The following DOCK3 variants were observed in gnomAD, a reference collection of about 807,000 sequenced individuals.
DOCK3 encodes the protein dedicator of cytokinesis 3, also known as dedicator of cytokinesis protein 3.
In DOCK3, 60 loss-of-function variants were observed where a neutral mutation model predicts 265.6. That is an observed-to-expected ratio of 0.23 (90% CI 0.18 to 0.28). The LOEUF (loss-of-function observed/expected upper bound fraction) is 0.28. Ranked by LOEUF, DOCK3 falls within the 10% of genes least tolerant of loss-of-function variation. The pLI is 1.00. For synonymous variants in DOCK3, 881 were observed against 938.0 expected (o/e 0.94, Z 1.11); for missense variants, 1,981 against 2,594.3 (o/e 0.76, Z 5.14).
rs773999985 is a variant in DOCK3, at chr3:51,359,119, C to G, written c.4884+1042C>G. On this transcript the variant is annotated intron_variant, in intron 46 of 52. Coordinates refer to ENST00000266037, the MANE Select transcript of DOCK3 (RefSeq NM_004947.5). This position sits in a 1 kb window ranked among gnomAD's most constrained non-coding sequence, Gnocchi z 4.8. ...GAGGTTGTCATGAGCAAAAAATTCC[C>G]CCTCTAGGGATAACCATGGCCACAG... is the stretch of plus-strand genomic sequence containing the variant. Among the ~76,000 whole-genome samples, 93 of 152,320 alleles carry G rather than the reference C, an allele frequency of 6.1e-4. No individual in the cohort carries two copies. Among genetic ancestry groups the G allele is most frequent in the Non-Finnish European group, 1.1e-3 (78 of 68,026 alleles).
intron 12 of DOCK3, among the ~76,000 whole-genome samples, chr3:51,187,060 C>T (rs2087651278): frequency 6.6e-6 from 1 of 152,182 alleles, no homozygotes; most frequent in Non-Finnish European, 1.5e-5. Flanking sequence ...AATGGTAGAT[C>T]CACAGACAGC....
At chr3:50,846,507 A>T (rs1221944503) in intron 3 of DOCK3, among the ~76,000 whole-genome samples, 1 of 152,050 alleles carries the variant, frequency 6.6e-6, no homozygotes, top group African/African-American at 2.4e-5. Flanking sequence ...TGCTAGGATG[A>T]TATTGGTTTA....
At chr3:50,756,038 A>G (rs1022671497) in intron 1 of DOCK3, among the ~76,000 whole-genome samples, 2 of 152,166 alleles carry the variant, frequency 1.3e-5, no homozygotes, top group Non-Finnish European at 2.9e-5. Context: ...CAAATGCCCC[A>G]TTCAGCCCTG....
At chr3:50,879,567 CAAG>C (rs2047916432) in intron 3 of DOCK3, among the ~76,000 whole-genome samples, 1 of 152,186 alleles carries the variant, frequency 6.6e-6, no homozygotes, top group African/African-American at 2.4e-5. Context: ...ATCAATTCAA[CAAG>C]AAGAGCTGAC....
chr3:51,298,640 CTTA>C (rs945994172), intron 27 of DOCK3, among the ~76,000 whole-genome samples: 8 of 152,178 alleles, frequency 5.3e-5, no homozygotes, highest in African/African-American at 1.9e-4. Flanking sequence ...TCAGCACCCA[CTTA>C]TAAGTGAGAA....
Position 50,935,067 on chromosome 3 carries a change from A to G in DOCK3, c.315+990A>G, listed in dbSNP as rs533621153. On this transcript the variant is annotated intron_variant, in intron 5 of 52. Coordinates refer to ENST00000266037, the MANE Select transcript of DOCK3 (RefSeq NM_004947.5). ...TTTTTTCTCCTTTCTGTACCTTCAT[A>G]TATCCTGACCTGGTCTCTAGAGAGG... 1.4e-4 allele frequency among the ~76,000 whole-genome samples: 22 copies of G among 152,268 alleles called. No individual in the cohort carries two copies. The South Asian group carries it at 2.9e-3, about 20-fold the overall frequency.
chr3:51,151,290 T>G (rs1362080091), intron 10 of DOCK3, among the ~76,000 whole-genome samples: 1 of 152,178 alleles, frequency 6.6e-6, no homozygotes, highest in Admixed American at 6.5e-5. Context: ...GTCTTTTAAT[T>G]GGGGCATTTA....
At chr3:51,164,342 G>T (rs1045168995) in intron 12 of DOCK3, among the ~76,000 whole-genome samples, 10 of 152,138 alleles carry the variant, frequency 6.6e-5, no homozygotes, top group Non-Finnish European at 1.0e-4. Flanking sequence ...AGAGATTCAG[G>T]CCGGGCGCGG....
intron 4 of DOCK3, among the ~76,000 whole-genome samples, chr3:50,919,645 T>C (rs2050324338): frequency 6.6e-6 from 1 of 152,140 alleles, no homozygotes; most frequent in South Asian, 2.1e-4. Context: ...TTAAGGGGAT[T>C]TTGGGCTGAG....
intron 1 of DOCK3, among the ~76,000 whole-genome samples, chr3:50,676,856 T>G (rs1246154268): frequency 6.6e-6 from 1 of 152,218 alleles, no homozygotes; most frequent in East Asian, 1.9e-4. Flanking sequence ...GGGATAATGT[T>G]TACCTATCTT....
At chr3:51,309,021 C>T (rs1418630299) in intron 27 of DOCK3, among the ~76,000 whole-genome samples, 6 of 147,632 alleles carry the variant, frequency 4.1e-5, no homozygotes, top group Admixed American at 1.3e-4. Flanking sequence ...ACATCTCAGA[C>T]GATGGGTGGC....
chr3:50,850,147 G>A (rs189226258), intron 3 of DOCK3, among the ~76,000 whole-genome samples: 14 of 151,836 alleles, frequency 9.2e-5, no homozygotes, highest in Admixed American at 3.3e-4. Flanking sequence ...TTGGGAGGCC[G>A]AGGCGGGTGG....
rs561645110 is a variant in DOCK3 at position 51,277,022 on chromosome 3, G to T, written c.2677-586G>T. On this transcript the variant is annotated intron_variant, in intron 25 of 52. Coordinates refer to ENST00000266037, the MANE Select transcript of DOCK3 (RefSeq NM_004947.5). The stretch of plus-strand genomic sequence containing the variant: ...GTCCTTCAAATGGACCCTGTAACAC[G>T]AGCAAGAGAGCTGAGGAGCTAGAAG... Among the ~76,000 whole-genome samples the T allele has an allele frequency of 2.0e-5, 3 of 152,278 alleles. No individual in the cohort carries two copies. The South Asian group carries it at 6.2e-4, about 32-fold the overall frequency.
At chr3:51,141,085 G>A (rs2085039129) in intron 9 of DOCK3, among the ~76,000 whole-genome samples, 1 of 151,880 alleles carries the variant, frequency 6.6e-6, no homozygotes, top group Admixed American at 6.6e-5. Flanking sequence ...GTTTTTTACT[G>A]TAATGAAGTC....
At chr3:50,795,949 A>G (rs556805838) in intron 2 of DOCK3, among the ~76,000 whole-genome samples, 2 of 152,160 alleles carry the variant, frequency 1.3e-5, no homozygotes, top group East Asian at 1.9e-4. Context: ...TGTTATCGCA[A>G]TGGTCTTCCT....
intron 20 of DOCK3, among the ~76,000 whole-genome samples, 168 bp from the exon 21 acceptor site, chr3:51,237,322 C>T (rs142860620): frequency 5.3e-5 from 8 of 152,240 alleles, no homozygotes; most frequent in Admixed American, 1.3e-4. Flanking sequence ...AAAGACAAGA[C>T]AGAAATACAG....
At chr3:50,720,431 G>A (rs943743813) in intron 1 of DOCK3, among the ~76,000 whole-genome samples, 1 of 152,150 alleles carries the variant, frequency 6.6e-6, no homozygotes, top group Non-Finnish European at 1.5e-5. Flanking sequence ...TGGGAAAATG[G>A]CCTCCAGCTC....
chr3:51,364,100 C>A (rs1337447577), intron 49 of DOCK3, among the ~76,000 whole-genome samples: 1 of 152,222 alleles, frequency 6.6e-6, no homozygotes, highest in African/African-American at 2.4e-5. Context: ...TACAGTCCCA[C>A]CAACAGTGTA....
At chr3:51,096,128 C>T (rs1354640199) in intron 9 of DOCK3, among the ~76,000 whole-genome samples, 1 of 152,094 alleles carries the variant, frequency 6.6e-6, no homozygotes, top group Admixed American at 6.5e-5. Context: ...TTGCTCTTCT[C>T]AAGGAGTATC....
Sources: allele counts gnomAD v4.1 joint callset (sites outside exome capture counted in the v4.1 genomes callset), GRCh38; gene constraint gnomAD v4.1.1; non-coding constraint Gnocchi (gnomAD v3.1); transcripts MANE v1.5; gene names NCBI Gene and HGNC (gene_info 2026-07-23, HGNC 2026-07-21).